Variants in CSMD1 observed in about 807,000 individuals in gnomAD.
CSMD1 encodes CUB and Sushi multiple domains 1, also known as CUB and sushi domain-containing protein 1.
CSMD1 carries 213 observed loss-of-function variants against 417.5 expected under a neutral mutation model. The observed-to-expected ratio is 0.51, with a 90% CI of 0.46 to 0.57. The LOEUF is 0.57. CSMD1 is among the 20% of genes least tolerant of loss of function. The pLI is 0.00. For missense variants in CSMD1, 6,923 were observed against 4,529.7 expected, an observed-to-expected ratio of 1.53 and a Z score of -15.17; for synonymous variants, 2,862 against 1,736.8, an observed-to-expected ratio of 1.65 and a Z score of -16.11.
At chr8:3,565,183 A>ACAT (rs1563158898) in intron 10 of CSMD1, among the ~76,000 whole-genome samples, 44 of 45,716 alleles carry the variant, frequency 9.6e-4, no homozygotes, top group Non-Finnish European at 1.5e-3. Flanking sequence ...GAAAGAAAGA[A>ACAT]AGATACATAG....
At chr8:3,811,745 G>T (rs539220952) in intron 5 of CSMD1, among the ~76,000 whole-genome samples, 1 of 152,224 alleles carries the variant, frequency 6.6e-6, no homozygotes, top group African/African-American at 2.4e-5. Context: ...GGCGGAGAAA[G>T]GGAACCTCCA....
chr8:4,453,216 GACACACAC>G (rs71207090), intron 2 of CSMD1, among the ~76,000 whole-genome samples: 17,082 of 149,164 alleles, frequency 0.11, 1,135 homozygotes, highest in South Asian at 0.22. Flanking sequence ...CACACACAGA[GACACACAC>G]ACACACACAC....
chr8:4,675,789 G>C (rs781251993), intron 1 of CSMD1, among the ~76,000 whole-genome samples: 3 of 151,998 alleles, frequency 2.0e-5, no homozygotes, highest in Non-Finnish European at 4.4e-5. Flanking sequence ...TTTACATTCA[G>C]GTACTCTGTT....
intron 7 of CSMD1, among the ~76,000 whole-genome samples, chr8:3,621,838 G>A (rs1466085381): frequency 6.6e-6 from 1 of 151,550 alleles, no homozygotes. Flanking sequence ...CAAACTCCTG[G>A]GCTCAAACAA....
At chr8:3,729,372 C>G (rs981863918) in intron 6 of CSMD1, among the ~76,000 whole-genome samples, 9 of 152,192 alleles carry the variant, frequency 5.9e-5, no homozygotes, top group African/African-American at 1.9e-4. Flanking sequence ...ACTCACTCGC[C>G]TTGGGCTCAG....
chr8:3,300,707 A>C (rs12542940), intron 25 of CSMD1, among the ~76,000 whole-genome samples: 43,135 of 152,012 alleles, frequency 0.28, 7,190 homozygotes, highest in South Asian at 0.47. Context: ...TTCTAATCCC[A>C]GTGCTTTGGG....
At chr8:4,797,506 T>G (rs1214656960) in intron 1 of CSMD1, among the ~76,000 whole-genome samples, 1 of 152,156 alleles carries the variant, frequency 6.6e-6, no homozygotes, top group East Asian at 1.9e-4. Flanking sequence ...TGCCAGCACT[T>G]TTAATGCAAA....
chr8:4,388,191 G>A (rs182853307), intron 3 of CSMD1, among the ~76,000 whole-genome samples: 1 of 152,204 alleles, frequency 6.6e-6, no homozygotes, highest in East Asian at 1.9e-4. Flanking sequence ...AGGAAAAGAA[G>A]TCATTATACG....
intron 1 of CSMD1, among the ~76,000 whole-genome samples, chr8:4,922,851 C>G (rs997322718): frequency 6.6e-6 from 1 of 152,160 alleles, no homozygotes; most frequent in Non-Finnish European, 1.5e-5. Context: ...CAAGTTTTTC[C>G]TAGTGCTAAA....
intron 4 of CSMD1, among the ~76,000 whole-genome samples, chr8:4,015,652 T>C (rs1348039013): frequency 1.5e-5 from 2 of 133,688 alleles, no homozygotes; most frequent in African/African-American, 5.8e-5. Flanking sequence ...TAAAAATCAG[T>C]TTGAATCTTA....
chr8:4,073,975 T>C (rs1376066417), intron 3 of CSMD1, among the ~76,000 whole-genome samples: 3 of 151,770 alleles, frequency 2.0e-5, no homozygotes, highest in East Asian at 3.8e-4. Context: ...AATAAAATCT[T>C]TGTCATTGGC....
At chr8:3,732,298 G>A (rs939047750) in intron 6 of CSMD1, among the ~76,000 whole-genome samples, 4 of 152,106 alleles carry the variant, frequency 2.6e-5, no homozygotes, top group Non-Finnish European at 2.9e-5. Flanking sequence ...AAATCTTTCC[G>A]CTAAAAATAA....
chr8:4,002,387 A>G (rs2130371936), intron 4 of CSMD1, among the ~76,000 whole-genome samples: 1 of 152,312 alleles, frequency 6.6e-6, no homozygotes, highest in Non-Finnish European at 1.5e-5. Flanking sequence ...TAAACATAAT[A>G]GCATTTGAAG....
intron 5 of CSMD1, among the ~76,000 whole-genome samples, chr8:3,997,531 A>T (rs1344583649): frequency 2.6e-5 from 4 of 152,208 alleles, no homozygotes; most frequent in Admixed American, 2.6e-4. Flanking sequence ...CAGTCTGTCA[A>T]TTCTCGCTAA....
intron 23 of CSMD1, among the ~76,000 whole-genome samples, chr8:3,315,149 T>C (rs113166974): frequency 0.015 from 2,284 of 152,330 alleles, 53 homozygotes; most frequent in African/African-American, 0.051. Context: ...TCTTTAAGAA[T>C]GACTCTCATG....
chr8:3,254,223 A>G (rs1800478080), intron 26 of CSMD1, among the ~76,000 whole-genome samples: 1 of 152,186 alleles, frequency 6.6e-6, no homozygotes. Context: ...TCTGGCTTGT[A>G]GAGTTTCTGT....
intron 3 of CSMD1, among the ~76,000 whole-genome samples, chr8:4,412,322 A>G (rs999770005): frequency 6.6e-6 from 1 of 151,928 alleles, no homozygotes. Context: ...ACAGCGCAAA[A>G]GATTCACCAA....
intron 3 of CSMD1, among the ~76,000 whole-genome samples, chr8:4,191,785 G>A (rs17069302): frequency 0.018 from 2,774 of 151,212 alleles, 93 homozygotes; most frequent in African/African-American, 0.063. Context: ...TCATCCTGTG[G>A]TTAAGGTTGA....
intron 5 of CSMD1, among the ~76,000 whole-genome samples, chr8:3,811,032 A>C (rs1041228435): frequency 3.3e-5 from 5 of 152,202 alleles, no homozygotes; most frequent in Non-Finnish European, 5.9e-5. Flanking sequence ...ACTCCGTCTT[A>C]CTGGCAGGGG....
Sources: allele counts gnomAD v4.1 joint callset (sites outside exome capture counted in the v4.1 genomes callset), GRCh38; gene constraint gnomAD v4.1.1; transcripts MANE v1.5; gene names NCBI Gene and HGNC (gene_info 2026-07-23, HGNC 2026-07-21).